The following ZBTB11 variants were observed in gnomAD, a reference collection of about 807,000 sequenced individuals.
The protein encoded by ZBTB11 is zinc finger and BTB domain containing 11, also known as zinc finger and BTB domain-containing protein 11.
ZBTB11 carries 68 observed loss-of-function variants against 113.1 expected under a neutral mutation model. The ratio of observed to expected loss-of-function variants is 0.60; its 90% CI spans 0.49 to 0.74. The LOEUF (loss-of-function observed/expected upper bound fraction) is 0.74. Ranked by LOEUF, ZBTB11 falls within the 30% of genes least tolerant of loss-of-function variation. ZBTB11 has a pLI of 0.00. For missense variants in ZBTB11, 1,104 were observed against 1,279.4 expected (o/e 0.86, Z 2.09); for synonymous variants, 518 against 452.6 (o/e 1.14, Z -1.83).
chr3:101,670,932 G>T (rs1436684435), intron 3 of ZBTB11, 198 bp downstream of exon 3: 1 of 545,610 alleles, frequency 1.8e-6, no homozygotes, highest in Non-Finnish European at 3.3e-6. Context: ...TTAAGACGTA[G>T]TGAAAGGAAA....
At position 101,665,656 on chromosome 3, in the gene ZBTB11, T is replaced by C; in HGVS notation, c.931A>G (p.Met311Val). Reference sequence around the variant, plus strand: ...TATACTGTTAGCTGCTTCTCTTCCATTAGCTTATGTACACTTTCACAAATC... The same window carrying C: ...TATACTGTTAGCTGCTTCTCTTCCACTAGCTTATGTACACTTTCACAAATC... Reference protein sequence around the residue: ...LEICESVHKLMEEKQLTVYKK... With the variant: ...LEICESVHKLVEEKQLTVYKK... The change falls in exon 4 of 11, where the codon ATG (methionine) becomes GTG (valine). Residue 311 changes from methionine (M) to valine (V), a missense_variant. This residue lies in a region of ZBTB11 where 86 missense variants were observed against 131.0 expected (regional missense o/e 0.66). Transcript: ENST00000312938. 1 of 1,614,234 alleles carries C rather than the reference T, an allele frequency of 6.2e-7. No homozygotes were observed. The highest frequency in any genetic ancestry group is 8.5e-7 in the Non-Finnish European group (1 of 1,180,040).
intron 10 of ZBTB11, 108 bp downstream of exon 10, chr3:101,652,388 T>TA: frequency 9.1e-7 from 1 of 1,101,942 alleles, no homozygotes; most frequent in Non-Finnish European, 1.3e-6. Flanking sequence ...TGAATAAAGA[T>TA]ATGAAATTAA....
At chr3:101,657,220 G>A (rs1344063027) in intron 6 of ZBTB11, among the ~76,000 whole-genome samples, 1 of 151,304 alleles carries the variant, frequency 6.6e-6, no homozygotes, top group Non-Finnish European at 1.5e-5. Flanking sequence ...AAAATAACTG[G>A]CGGAGCTGGG....
chr3:101,654,880 A>T, intron 7 of ZBTB11, 59 bp from the exon 8 acceptor site: 5 of 1,181,362 alleles, frequency 4.2e-6, no homozygotes, highest in East Asian at 2.9e-5. Context: ...TTTTAACAGA[A>T]TTTTTTTTTT....
chr3:101,660,406 GAA>G (rs1576646690), intron 5 of ZBTB11, among the ~76,000 whole-genome samples: 1 of 152,166 alleles, frequency 6.6e-6, no homozygotes, highest in East Asian at 1.9e-4. Flanking sequence ...TCTCATAGTT[GAA>G]GATTCAAGAA....
intron 4 of ZBTB11, 46 bp from the exon 5 acceptor site, chr3:101,664,760 T>C: frequency 6.5e-7 from 1 of 1,531,112 alleles, no homozygotes; most frequent in Admixed American, 2.3e-5. Flanking sequence ...TACTCAATTT[T>C]AATTTTTAAA....
At chr3:101,667,170 C>T (rs527268018) in intron 3 of ZBTB11, among the ~76,000 whole-genome samples, 25 of 152,320 alleles carry the variant, frequency 1.6e-4, no homozygotes, top group Admixed American at 5.9e-4. Flanking sequence ...CCTTCTGCTT[C>T]AGCCACCTAA....
rs140292552 is a variant in ZBTB11 at position 101,665,668 on chromosome 3, C to T, written c.919G>A (p.Val307Ile). The change falls in exon 4 of 11, where the codon GTA becomes ATA. Residue 307 changes from valine to isoleucine, a missense_variant. Around this residue, in one of 5 missense-constraint regions of ZBTB11, gnomAD observed 86 missense variants for 131.0 expected, o/e 0.66. Transcript: ENST00000312938. ...MSEVLEICES[V>I]HKLMEEKQLT... ...TGCTTCTCTTCCATTAGCTTATGTA[C>T]ACTTTCACAAATCTCTAAGACTTCT... 77 of 1,614,192 alleles carry T rather than the reference C, an allele frequency of 4.8e-5. No homozygotes were observed. In the African/African-American group the frequency reaches 9.9e-4, roughly 21 times the overall value.
At chr3:101,654,025 A>C (rs1248070393) in intron 8 of ZBTB11, among the ~76,000 whole-genome samples, 1 of 149,774 alleles carries the variant, frequency 6.7e-6, no homozygotes, top group Non-Finnish European at 1.5e-5. Context: ...CTGCGCCCAC[A>C]CTACCACCCT....
At chr3:101,651,769 A>G in intron 10 of ZBTB11, 86 bp from the exon 11 acceptor site, 4 of 1,341,672 alleles carry the variant, frequency 3.0e-6, no homozygotes, top group Non-Finnish European at 4.0e-6. Flanking sequence ...CTTTTATTAA[A>G]AAGTACAGTA....
intron 3 of ZBTB11, among the ~76,000 whole-genome samples, chr3:101,670,008 AGTAGAGACAGGGTTTCTCCAT>A (rs1385787060): frequency 6.6e-6 from 1 of 151,944 alleles, no homozygotes; most frequent in Non-Finnish European, 1.5e-5. Context: ...TTGCATTTTT[AGTAGAGACAGGGTTTCTCCAT>A]GTTGATCAGG....
chr3:101,676,522 G>T lies in ZBTB11; in HGVS notation c.310+83C>A, dbSNP rs957369049. 6.6e-6 allele frequency: 9 copies of T among 1,355,632 alleles called. No individual in the cohort carries two copies. The African/African-American group carries it at 1.2e-4, about 18-fold the overall frequency. The allele number at this position is 1,355,632 out of a possible 1,614,324, so 84.0% of individuals were successfully genotyped here. A position where few individuals can be genotyped will look rare whatever the true frequency, so the allele number is the denominator to read the frequency against. On this transcript the variant is annotated intron_variant, in intron 1 of 10. Transcript: ENST00000312938. ...AGAGGCGTCCGAGACCCTCCGACTC[G>T]TGGGTACGCATAGGCCTCGCCAGCG...
Position 101,659,935 on chromosome 3 carries a change from A to G in ZBTB11, c.1894T>C (p.Ser632Pro). Residue 632 changes from serine to proline, a missense_variant, in exon 6 of 11, where the codon TCC (serine) becomes CCC (proline). Physicochemically the swap from Ser to Pro is moderately conservative, Grantham distance 74. Transcript: ENST00000312938. Reference protein sequence around the residue: ...KDAPSSSSSNSTSNEASGTSS... With the variant: ...KDAPSSSSSNPTSNEASGTSS... ...GTTCCCGATGCTTCATTAGACGTGG[A>G]ATTGGACGAGGATGAAGAGGGTGCA... The G allele has an allele frequency of 6.2e-7, 1 of 1,614,166 alleles. No homozygotes were observed. The highest frequency in any genetic ancestry group is 2.2e-5 in the East Asian group (1 of 44,878).
Position 101,659,972 on chromosome 3 carries a change from A to G in ZBTB11, c.1857T>C (p.His619=), listed in dbSNP as rs148958344. Residue 619 remains histidine (H), a synonymous_variant, in exon 6 of 11, where the codon CAT becomes CAC. Transcript: ENST00000312938. ...SASLRAHLIR[H]TRKDAPSSSS... ...ATGAAGAGGGTGCATCTTTTCTGGTATGACGAATAAGATGTGCTCGCAAAG... is the reference window on the plus strand; with the variant it reads ...ATGAAGAGGGTGCATCTTTTCTGGTGTGACGAATAAGATGTGCTCGCAAAG... 3.4e-4 allele frequency: 548 copies of G among 1,614,094 alleles called. No homozygotes were observed. Among genetic ancestry groups the G allele is most frequent in the Non-Finnish European group, 4.5e-4 (532 of 1,180,042 alleles).
intron 1 of ZBTB11, among the ~76,000 whole-genome samples, chr3:101,675,075 G>A (rs1307822085): frequency 1.3e-5 from 2 of 152,216 alleles, no homozygotes; most frequent in Non-Finnish European, 2.9e-5. Context: ...CTCCAAAAAA[G>A]GGAGATAAGT....
chr3:101,672,096 A>G lies in ZBTB11; in HGVS notation c.428T>C (p.Leu143Pro). ...SEMLEELGLD[L>P]ESGEESNESE... Reference sequence around the variant, plus strand: ...TTCATTACTTTCTTCTCCAGATTCAAGGTCTAGTCCCAATTCTTCCAACAT... The same window carrying G: ...TTCATTACTTTCTTCTCCAGATTCAGGGTCTAGTCCCAATTCTTCCAACAT... The change falls in exon 2 of 11, where the codon CTT (leucine) becomes CCT (proline). Residue 143 changes from leucine (L) to proline (P), a missense_variant. Leu to Pro is a moderately conservative substitution (Grantham distance 98). This residue lies in a region of ZBTB11 where 245 missense variants were observed against 272.5 expected (regional missense o/e 0.90). Coordinates refer to ENST00000312938, the MANE Select transcript of ZBTB11 (RefSeq NM_014415.4). 6.2e-7 allele frequency: 1 copy of G among 1,614,138 alleles called. No individual in the cohort carries two copies. The highest frequency in any genetic ancestry group is 1.1e-5 in the South Asian group (1 of 91,084).
At chr3:101,669,572 G>A (rs570306968) in intron 3 of ZBTB11, among the ~76,000 whole-genome samples, 1 of 152,038 alleles carries the variant, frequency 6.6e-6, no homozygotes, top group South Asian at 2.1e-4. Context: ...ATGAAATATA[G>A]GGAAAAAATT....
rs1936949263 is a variant in ZBTB11, at chr3:101,664,633, G to C, written c.1705C>G (p.His569Asp). The stretch of plus-strand genomic sequence containing the variant: ...ACCATTCCACATTCCCCACATTTAT[G>C]AGATGCTTCTTCTGTGTTCTCTTTA... ...DAKENTEEAS[H>D]KCGECGMVFQ... Residue 569 changes from histidine (H) to aspartate (D), a missense_variant, in exon 5 of 11, where the codon CAT (histidine) becomes GAT (aspartate). Coordinates refer to ENST00000312938, the MANE Select transcript of ZBTB11 (RefSeq NM_014415.4). The C allele has an allele frequency of 2.5e-6, 4 of 1,613,734 alleles. No homozygotes were observed. Among genetic ancestry groups the C allele is most frequent in the African/African-American group, 1.3e-5 (1 of 74,888 alleles).
chr3:101,673,672 C>G (rs1937117860), intron 1 of ZBTB11, among the ~76,000 whole-genome samples: 1 of 152,228 alleles, frequency 6.6e-6, no homozygotes, highest in East Asian at 1.9e-4. Context: ...CGCCACCACA[C>G]CTGGCTAATT....
Sources: gnomAD v4.1 joint callset for allele counts (sites outside exome capture counted in the v4.1 genomes callset) on GRCh38, gnomAD v4.1.1 for gene constraint, gnomAD v4.1.1 regional missense constraint, MANE v1.5 for transcripts, NCBI Gene and HGNC (gene_info 2026-07-23, HGNC 2026-07-21) for gene names.